KDM5A: variants seen among roughly 807,000 people sequenced by gnomAD.
The protein encoded by KDM5A is lysine-specific demethylase 5A.
In KDM5A, 42 loss-of-function variants were observed where a neutral mutation model predicts 193.5. The observed-to-expected ratio is 0.22, with a 90% CI of 0.17 to 0.28. The LOEUF is 0.28. KDM5A is among the 10% of genes least tolerant of loss of function. KDM5A has a pLI of 1.00. For missense variants in KDM5A, 1,692 were observed against 2,055.1 expected (o/e 0.82, Z 3.42); for synonymous variants, 796 against 718.1 (o/e 1.11, Z -1.73).
chr12:314,934 A>G (rs1266771561), intron 19 of KDM5A, among the ~76,000 whole-genome samples: 2 of 152,240 alleles, frequency 1.3e-5, no homozygotes, highest in African/African-American at 2.4e-5. Context: ...TGGCCTTATA[A>G]ATCAGGTTAG....
chr12:337,987 A>G (rs748145599), intron 10 of KDM5A, among the ~76,000 whole-genome samples: 15 of 152,192 alleles, frequency 9.9e-5, no homozygotes, highest in Non-Finnish European at 2.1e-4. Flanking sequence ...TGTAAACAAA[A>G]GTAGACAAAA....
At chr12:305,969 GTTT>G (rs3038312) in intron 24 of KDM5A, among the ~76,000 whole-genome samples, 5 of 104,206 alleles carry the variant, frequency 4.8e-5, no homozygotes, top group Non-Finnish European at 7.3e-5. Flanking sequence ...CAATGGAAGT[GTTT>G]TTTTTTTTTT....
chr12:320,573 T>C (rs1943705537), intron 18 of KDM5A, among the ~76,000 whole-genome samples: 3 of 151,968 alleles, frequency 2.0e-5, no homozygotes, highest in Admixed American at 1.3e-4. Context: ...CCCCAAACTA[T>C]CAAAAGATCA....
chr12:327,663 G>T (rs182997779), intron 14 of KDM5A, among the ~76,000 whole-genome samples: 1 of 152,134 alleles, frequency 6.6e-6, no homozygotes, highest in Non-Finnish European at 1.5e-5. Flanking sequence ...AGCCAAGATC[G>T]TGCCACTGCA....
At chr12:366,786 C>T (rs977090735) in intron 3 of KDM5A, among the ~76,000 whole-genome samples, 1 of 152,218 alleles carries the variant, frequency 6.6e-6, no homozygotes, top group Non-Finnish European at 1.5e-5. Context: ...AGCTCCTTAA[C>T]GTCCAGGAGC....
At chr12:360,399 A>T (rs10848838) in intron 5 of KDM5A, among the ~76,000 whole-genome samples, 1 of 152,022 alleles carries the variant, frequency 6.6e-6, no homozygotes, top group Admixed American at 6.6e-5. Flanking sequence ...AGGGAAGAGA[A>T]AAGAGATAAC....
chr12:379,743 T>C (rs1944552641), intron 3 of KDM5A, among the ~76,000 whole-genome samples: 2 of 152,192 alleles, frequency 1.3e-5, no homozygotes, highest in Admixed American at 6.5e-5. Context: ...CAATAAACCG[T>C]CAGATAAGCA....
At chr12:380,319 T>G (rs1038414275) in intron 3 of KDM5A, among the ~76,000 whole-genome samples, 1 of 152,100 alleles carries the variant, frequency 6.6e-6, no homozygotes, top group Non-Finnish European at 1.5e-5. Context: ...AGGTTTACCT[T>G]TTAAATGGAA....
chr12:385,610 T>G (rs557598523), intron 2 of KDM5A, among the ~76,000 whole-genome samples: 6 of 152,230 alleles, frequency 3.9e-5, no homozygotes, highest in Non-Finnish European at 5.9e-5. Flanking sequence ...TCTTCCAAGA[T>G]TAACAAAAAT....
At chr12:299,049 C>T (rs778397081) in intron 24 of KDM5A, among the ~76,000 whole-genome samples, 17 of 151,992 alleles carry the variant, frequency 1.1e-4, no homozygotes, top group South Asian at 2.1e-4. Flanking sequence ...TATGGGACTA[C>T]GTGAAAAGAC....
chr12:366,204 A>G, intron 3 of KDM5A, 100 bp from the exon 4 acceptor site: 1 of 1,022,404 alleles, frequency 9.8e-7, no homozygotes, highest in Non-Finnish European at 1.5e-6. Flanking sequence ...CAGGGCTTAA[A>G]TTTCAAATTT....
At chr12:327,428 G>A (rs932540602) in intron 14 of KDM5A, among the ~76,000 whole-genome samples, 1 of 152,180 alleles carries the variant, frequency 6.6e-6, no homozygotes, top group Non-Finnish European at 1.5e-5. Flanking sequence ...TACAAGTATA[G>A]GCCGGGCACA....
At chr12:388,867 C>T in intron 1 of KDM5A, 60 bp downstream of exon 1, 2 of 1,555,582 alleles carry the variant, frequency 1.3e-6, no homozygotes, top group Non-Finnish European at 8.9e-7. Flanking sequence ...TAAAGCTAAA[C>T]CCAGTGTACG....
In KDM5A at chr12:280,442, C is replaced by T; in HGVS notation, c.*5014G>A. On this transcript the variant is annotated 3_prime_UTR_variant, in exon 28 of 28. Transcript: ENST00000399788. Reference sequence around the variant, plus strand: ...AGAAAATTATTTCCCAAGAGGTAATCAGATTCCCCTCCCTGCCCCCGCTCT... The same window carrying T: ...AGAAAATTATTTCCCAAGAGGTAATTAGATTCCCCTCCCTGCCCCCGCTCT... 3 of 233,014 alleles carry T rather than the reference C, an allele frequency of 1.3e-5. No individual in the cohort carries two copies. The highest frequency in any genetic ancestry group is 2.5e-5 in the Non-Finnish European group (3 of 117,958). 14.4% of individuals were successfully genotyped at this position (233,014 alleles called of 1,614,324 possible). A position where few individuals can be genotyped will look rare whatever the true frequency, so the allele number is the denominator to read the frequency against.
At chr12:386,786 C>T (rs1388305364) in intron 1 of KDM5A, among the ~76,000 whole-genome samples, 1 of 152,106 alleles carries the variant, frequency 6.6e-6, no homozygotes, top group Non-Finnish European at 1.5e-5. Flanking sequence ...AGAAGCAATC[C>T]TCTTCAAACC....
Position 318,096 on chromosome 12 carries a change from A to T in KDM5A, c.2897+10T>A, listed in dbSNP as rs372156108. On this transcript the variant is annotated intron_variant, in intron 19 of 27. Coordinates refer to ENST00000399788, the MANE Select transcript of KDM5A (RefSeq NM_001042603.3). ...TGTTAAAGAGGCAACTGTCACCAAA[A>T]TGTGTTCACCTTGCCTGTAGGCAGA... The T allele has an allele frequency of 5.0e-6, 8 of 1,605,454 alleles. No individual in the cohort carries two copies. In the African/African-American group the frequency reaches 1.1e-4, roughly 21 times the overall value.
chr12:290,572 A>C (rs1943280159), intron 27 of KDM5A, among the ~76,000 whole-genome samples: 1 of 152,218 alleles, frequency 6.6e-6, no homozygotes, highest in Non-Finnish European at 1.5e-5. Context: ...CAAATCTCAC[A>C]GTTCCTTCAA....
intron 19 of KDM5A, among the ~76,000 whole-genome samples, 187 bp from the exon 20 acceptor site, chr12:313,381 A>C (rs1943613260): frequency 6.6e-6 from 1 of 152,224 alleles, no homozygotes; most frequent in Non-Finnish European, 1.5e-5. Flanking sequence ...AGATAAGAAA[A>C]GGTATAAACA....
At chr12:334,455 T>C (rs1943901314) in intron 10 of KDM5A, 33 bp from the exon 11 acceptor site, 8 of 1,586,294 alleles carry the variant, frequency 5.0e-6, no homozygotes, top group Non-Finnish European at 6.9e-6. Flanking sequence ...AAATGAAAGA[T>C]CAGAAATGAA....
Sources: allele counts gnomAD v4.1 joint callset (sites outside exome capture counted in the v4.1 genomes callset), GRCh38; gene constraint gnomAD v4.1.1; transcripts MANE v1.5; gene names NCBI Gene and HGNC (gene_info 2026-07-23, HGNC 2026-07-21).